The following GADL1 variants were observed in gnomAD, a reference collection of about 807,000 sequenced individuals.
GADL1 encodes the protein acidic amino acid decarboxylase GADL1.
A neutral mutation model predicts 69.5 loss-of-function variants in GADL1; 71 were observed. That is an observed-to-expected ratio of 1.02 (90% CI 0.84 to 1.25). GADL1 has a LOEUF of 1.25. Ranked by LOEUF, GADL1 falls within the 50% of genes most tolerant of loss-of-function variation. The pLI is 0.00. For missense variants in GADL1, 737 were observed against 631.8 expected (o/e 1.17, Z -1.79); for synonymous variants, 254 against 214.4 (o/e 1.18, Z -1.62).
At chr3:30,836,170 T>C (rs1462167973) in intron 9 of GADL1, among the ~76,000 whole-genome samples, 1 of 152,020 alleles carries the variant, frequency 6.6e-6, no homozygotes, top group Non-Finnish European at 1.5e-5. Context: ...CCACACCTGT[T>C]TGCTCGCTCA....
At chr3:30,766,846 A>AGG (rs59400342) in intron 14 of GADL1, among the ~76,000 whole-genome samples, 1 of 151,736 alleles carries the variant, frequency 6.6e-6, no homozygotes, top group Non-Finnish European at 1.5e-5. Context: ...CTATGGGACA[A>AGG]GGGGGGAAAC....
Position 30,839,094 on chromosome 3 carries a change from A to G in GADL1, c.806T>C (p.Val269Ala), listed in dbSNP as rs1277954409. 6 of 1,600,738 alleles carry G rather than the reference A, an allele frequency of 3.7e-6. No individual in the cohort carries two copies. The Admixed American group carries it at 5.2e-5, about 14-fold the overall frequency. The change falls in exon 9 of 15, where the codon GTC becomes GCC. Residue 269 changes from valine to alanine, a missense_variant. Val to Ala is a moderately conservative substitution (Grantham distance 64, BLOSUM62 0). Coordinates refer to ENST00000282538, the MANE Select transcript of GADL1 (RefSeq NM_207359.3). The stretch of plus-strand genomic sequence containing the variant: ...CACAGTTGTACCAGAAGTGGCACAG[A>G]CAAGAAACGGTGCTGCCCCCTGTAA... ...ARKEGAAPFL[V>A]CATSGTTVLG...
chr3:30,838,974 T>A, intron 9 of GADL1, 23 bp downstream of exon 9: 1 of 1,385,974 alleles, frequency 7.2e-7, no homozygotes, highest in Non-Finnish European at 1.0e-6. Context: ...GTTAAACAGG[T>A]ATGTACACAT....
chr3:30,763,418 G>T (rs1012420488), intron 14 of GADL1, among the ~76,000 whole-genome samples: 16 of 115,190 alleles, frequency 1.4e-4, no homozygotes, highest in African/African-American at 5.4e-4. Flanking sequence ...CAGGAGAATG[G>T]CTGAACCCGG....
intron 11 of GADL1, among the ~76,000 whole-genome samples, chr3:30,829,739 T>A (rs779807796): frequency 1.3e-5 from 2 of 151,916 alleles, no homozygotes; most frequent in African/African-American, 4.8e-5. Flanking sequence ...GGGTTTTTTT[T>A]CCCCTTTTTA....
At chr3:30,839,802 G>A (rs1230623244) in intron 8 of GADL1, among the ~76,000 whole-genome samples, 1 of 152,210 alleles carries the variant, frequency 6.6e-6, no homozygotes, top group African/African-American at 2.4e-5. Flanking sequence ...GCATGAACGG[G>A]TACTGGTGGG....
intron 11 of GADL1, among the ~76,000 whole-genome samples, chr3:30,811,897 T>C (rs1697363646): frequency 6.6e-6 from 1 of 152,232 alleles, no homozygotes; most frequent in African/African-American, 2.4e-5. Context: ...TTGTTTAAAA[T>C]GTTTCCCAGT....
chr3:30,825,185 A>G (rs1258948178), intron 11 of GADL1, among the ~76,000 whole-genome samples: 1 of 151,912 alleles, frequency 6.6e-6, no homozygotes, highest in Non-Finnish European at 1.5e-5. Flanking sequence ...CCAGGGTACC[A>G]CTTTTATTTT....
chr3:30,841,092 A>G (rs1318953626), intron 8 of GADL1, among the ~76,000 whole-genome samples: 1 of 152,224 alleles, frequency 6.6e-6, no homozygotes, highest in African/African-American at 2.4e-5. Context: ...TGATGGTACT[A>G]TTCCTCATAT....
In GADL1 at chr3:30,893,006, C is replaced by A. The variant is rs1463454811; in HGVS notation, c.37+1572G>T. Among the ~76,000 whole-genome samples, 4 of 152,174 alleles carry A rather than the reference C, an allele frequency of 2.6e-5. No individual in the cohort carries two copies. The South Asian group carries it at 8.3e-4, about 32-fold the overall frequency. On this transcript the variant is annotated intron_variant, in intron 1 of 14. Coordinates refer to ENST00000282538, the MANE Select transcript of GADL1 (RefSeq NM_207359.3). ...CGAGTACTGGATTACAGGCACCCAC[C>A]AGCACGCCCGGCTAATTTTTTGTAT...
chr3:30,837,782 T>C (rs933952799), intron 9 of GADL1, among the ~76,000 whole-genome samples: 2 of 152,168 alleles, frequency 1.3e-5, no homozygotes, highest in African/African-American at 4.8e-5. Flanking sequence ...TAGGATATAA[T>C]GTATTGTTAT....
At chr3:30,881,194 G>T (rs940933768) in intron 1 of GADL1, among the ~76,000 whole-genome samples, 7 of 151,852 alleles carry the variant, frequency 4.6e-5, no homozygotes, top group African/African-American at 1.7e-4. Context: ...TTGTAATTAT[G>T]CTTGTATACA....
rs966361556 is a variant in GADL1, at chr3:30,726,928, A to G, written c.*1314T>C. On this transcript the variant is annotated 3_prime_UTR_variant, in exon 15 of 15. Transcript: ENST00000282538. ...TCTGCTGAATCCCAGATTCTGTAAT[A>G]TAAACCACTTAATAATCTATACTGA... The G allele has an allele frequency of 6.6e-6, 1 of 152,526 alleles. No homozygotes were observed. The highest frequency in any genetic ancestry group is 1.5e-5 in the Non-Finnish European group (1 of 68,002). The allele number at this position is 152,526 out of a possible 1,614,324, so 9.4% of individuals were successfully genotyped here. A position where few individuals can be genotyped will look rare whatever the true frequency, so the allele number is the denominator to read the frequency against.
intron 11 of GADL1, among the ~76,000 whole-genome samples, chr3:30,828,432 T>G (rs969987233): frequency 1.4e-5 from 2 of 140,512 alleles, no homozygotes; most frequent in Admixed American, 7.2e-5. Context: ...ATGTGTTGAA[T>G]GACTATCCCA....
chr3:30,840,357 A>G (rs1697946334), intron 8 of GADL1, among the ~76,000 whole-genome samples: 1 of 152,134 alleles, frequency 6.6e-6, no homozygotes, highest in Admixed American at 6.5e-5. Flanking sequence ...GGTGGTATAT[A>G]ACAAATCCAT....
chr3:30,728,256 C>T lies in GADL1; in HGVS notation c.1552G>A (p.Gly518Ser). ...DFLLDEIDLLGKDM is the reference protein window; with the variant it reads ...DFLLDEIDLLSKDM ...CAAAGCCACAGCTACATGTCTTTAC[C>T]CAGTAAGTCTATCTCATCCAGGAGG... Residue 518 changes from glycine (G) to serine (S), a missense_variant, in exon 15 of 15, where the codon GGT becomes AGT. Physicochemically the swap from Gly to Ser is moderately conservative, Grantham distance 56 (BLOSUM62 0). Transcript: ENST00000282538. 1 of 1,613,662 alleles carries T rather than the reference C, an allele frequency of 6.2e-7. No individual in the cohort carries two copies. The highest frequency in any genetic ancestry group is 8.5e-7 in the Non-Finnish European group (1 of 1,179,684).
chr3:30,748,081 T>C (rs1214127145), intron 14 of GADL1, among the ~76,000 whole-genome samples: 1 of 152,206 alleles, frequency 6.6e-6, no homozygotes, highest in Non-Finnish European at 1.5e-5. Flanking sequence ...CCACTTATTC[T>C]TGAAGCCAGA....
chr3:30,812,003 A>G (rs1252027797), intron 11 of GADL1, among the ~76,000 whole-genome samples: 2 of 152,332 alleles, frequency 1.3e-5, no homozygotes, highest in South Asian at 2.1e-4. Context: ...TCAACATTAC[A>G]TTCATGTTGG....
intron 13 of GADL1, among the ~76,000 whole-genome samples, chr3:30,783,294 C>T (rs556707732): frequency 1.7e-4 from 26 of 152,194 alleles, no homozygotes; most frequent in African/African-American, 5.1e-4. Context: ...AATGAATATA[C>T]CTCTAGGAAA....
Sources: gnomAD v4.1 joint callset for allele counts (sites outside exome capture counted in the v4.1 genomes callset) on GRCh38, gnomAD v4.1.1 for gene constraint, MANE v1.5 for transcripts, NCBI Gene and HGNC (gene_info 2026-07-23, HGNC 2026-07-21) for gene names.